The following BTBD17 variants were observed in gnomAD, a reference collection of about 807,000 sequenced individuals.
BTBD17 encodes BTB domain containing 17.
A neutral mutation model predicts 36.9 loss-of-function variants in BTBD17; 26 were observed. That is an observed-to-expected ratio of 0.70 (90% CI 0.52 to 0.98). The LOEUF is 0.98. BTBD17 is among the 50% of genes least tolerant of loss of function. BTBD17 has a pLI of 0.00. For synonymous variants in BTBD17, 341 were observed against 338.0 expected (o/e 1.01, Z -0.10); for missense variants, 630 against 691.3 (o/e 0.91, Z 0.99).
At chr17:74,361,271 G>A (rs901783255) in intron 1 of BTBD17, among the ~76,000 whole-genome samples, 1 of 152,238 alleles carries the variant, frequency 6.6e-6, no homozygotes, top group Non-Finnish European at 1.5e-5. Flanking sequence ...AGGGAGGCGG[G>A]CGGGGGCCTG....
chr17:74,357,386 G>A lies in BTBD17; in HGVS notation c.708C>T (p.Ala236=), dbSNP rs1320551298. The change falls in exon 3 of 3, where the codon GCC becomes GCT. Residue 236 remains alanine (A), a synonymous_variant. Transcript: ENST00000375366. This position sits in a 1 kb window ranked among gnomAD's most constrained non-coding sequence, Gnocchi z 8.4. ...DELELFHALE[A]WLGRARPPPA... ...GGGGCGGCCGCGCGCGACCCAGCCA[G>A]GCCTCCAGCGCGTGGAACAGCTCCA... 1.9e-6 allele frequency: 3 copies of A among 1,567,166 alleles called. No homozygotes were observed. Among genetic ancestry groups the A allele is most frequent in the Non-Finnish European group, 2.6e-6 (3 of 1,165,560 alleles).
chr17:74,358,288 C>T lies in BTBD17; in HGVS notation c.363-557G>A, dbSNP rs545830993. Among the ~76,000 whole-genome samples the T allele has an allele frequency of 2.0e-5, 3 of 152,092 alleles. No individual in the cohort carries two copies. The East Asian group carries it at 5.8e-4, about 30-fold the overall frequency. ...GGAGGATTGCTTGAGGCCAGGAGTT[C>T]AAGACCAGCTTGGGCAACATAGCAA... On this transcript the variant is annotated intron_variant, in intron 2 of 2. Transcript: ENST00000375366.
rs201867347 is a variant in BTBD17 at position 74,357,814 on chromosome 17, C to T, written c.363-83G>A. 28 of 1,133,106 alleles carry T rather than the reference C, an allele frequency of 2.5e-5. No homozygotes were observed. In the Middle Eastern group the frequency reaches 8.9e-4, roughly 36 times the overall value. 70.2% of individuals were successfully genotyped at this position (1,133,106 alleles called of 1,614,324 possible). A position where few individuals can be genotyped will look rare whatever the true frequency, so the allele number is the denominator to read the frequency against. On this transcript the variant is annotated intron_variant, in intron 2 of 2. Transcript: ENST00000375366. This position sits in a 1 kb window ranked among gnomAD's most constrained non-coding sequence, Gnocchi z 8.4. Reference sequence around the variant, plus strand: ...GATTTTTTAGAGTCCACAGGGGACCCGGCCTGGAGTTGGAGCTTCACTGTC... The same window carrying T: ...GATTTTTTAGAGTCCACAGGGGACCTGGCCTGGAGTTGGAGCTTCACTGTC...
chr17:74,360,032 T>C lies in BTBD17; in HGVS notation c.299A>G (p.Asn100Ser), dbSNP rs2054926891. ...CTCCTGCAGCACCGCCTCGCTCTGG[T>C]TACTTAGCAGCTCCAGGAACAGCTC... ...HSELFLELLS[N>S]QSEAVLQEPQ... The change falls in exon 2 of 3, where the codon AAC becomes AGC. Residue 100 changes from asparagine (N) to serine (S), a missense_variant. By Grantham distance (46) the Asn-to-Ser change is conservative (BLOSUM62 1). Coordinates refer to ENST00000375366, the MANE Select transcript of BTBD17 (RefSeq NM_001080466.2). 1.2e-6 allele frequency: 2 copies of C among 1,612,684 alleles called. No homozygotes were observed. The highest frequency in any genetic ancestry group is 1.3e-5 in the African/African-American group (1 of 74,926).
chr17:74,361,949 C>G (rs996766013), upstream of BTBD17: 14 of 681,748 alleles, frequency 2.1e-5, no homozygotes, highest in African/African-American at 2.2e-4. Context: ...CTCCCTCCCC[C>G]ACTCAGCCTC....
intron 2 of BTBD17, among the ~76,000 whole-genome samples, chr17:74,359,366 TG>T (rs1220255939): frequency 1.1e-3 from 159 of 148,632 alleles, no homozygotes; most frequent in African/African-American, 3.8e-3. Flanking sequence ...TTTGTTTGTT[TG>T]GTTGGTTGGT....
chr17:74,357,506 C>T lies in BTBD17; in HGVS notation c.588G>A (p.Leu196=). 6.4e-7 allele frequency: 1 copy of T among 1,565,034 alleles called. No individual in the cohort carries two copies. Among genetic ancestry groups the T allele is most frequent in the Non-Finnish European group, 8.6e-7 (1 of 1,163,460 alleles). Residue 196 remains leucine (L), a synonymous_variant, in exon 3 of 3, where the codon CTG becomes CTA. Coordinates refer to ENST00000375366, the MANE Select transcript of BTBD17 (RefSeq NM_001080466.2). The surrounding 1 kb of genome is among the most constrained non-coding windows in gnomAD (Gnocchi z 8.4). ...ESCLQFLAWN[L]SAVAASTEWG... ...ACTCGGTGCTGGCCGCCACGGCCGACAGGTTCCAGGCCAGGAACTGCAGGC... is the reference window on the plus strand; with the variant it reads ...ACTCGGTGCTGGCCGCCACGGCCGATAGGTTCCAGGCCAGGAACTGCAGGC...
Position 74,357,612 on chromosome 17 carries a change from T to A in BTBD17, c.482A>T (p.His161Leu). 5 of 1,550,054 alleles carry A rather than the reference T, an allele frequency of 3.2e-6. No individual in the cohort carries two copies. In the East Asian group the frequency reaches 1.2e-4, roughly 38 times the overall value. The change falls in exon 3 of 3, where the codon CAC becomes CTC. Residue 161 changes from histidine (H) to leucine (L), a missense_variant. By Grantham distance (99) the His-to-Leu change is moderately conservative. Coordinates refer to ENST00000375366, the MANE Select transcript of BTBD17 (RefSeq NM_001080466.2). The surrounding 1 kb of genome is among the most constrained non-coding windows in gnomAD (Gnocchi z 8.4). ...CGCCGGGCCCGCGCCTCCCGCCAGG[T>A]GCGCGCGCATGTAGTCGGCCACGCC... ...QRGVADYMRA[H>L]LAGGAGPAVG... is the part of the protein sequence containing the mutation.
In BTBD17 at chr17:74,356,566, G is replaced by A. The variant is rs1396340006; in HGVS notation, c.*91C>T. Reference sequence around the variant, plus strand: ...GTGGCCGGCGCCTGGCCATCCAGGGGACCAGGCTTGTTGCCACCTCCAGGC... The same window carrying A: ...GTGGCCGGCGCCTGGCCATCCAGGGAACCAGGCTTGTTGCCACCTCCAGGC... On this transcript the variant is annotated 3_prime_UTR_variant, in exon 3 of 3. Transcript: ENST00000375366. This position sits in a 1 kb window ranked among gnomAD's most constrained non-coding sequence, Gnocchi z 4.3. 7.3e-7 allele frequency: 1 copy of A among 1,360,546 alleles called. No individual in the cohort carries two copies. The highest frequency in any genetic ancestry group is 9.5e-7 in the Non-Finnish European group (1 of 1,053,198). The allele number at this position is 1,360,546 out of a possible 1,614,324, so 84.3% of individuals were successfully genotyped here.
At chr17:74,362,966 A>ATGTGTG (rs1555626867), upstream of BTBD17, among the ~76,000 whole-genome samples, 52 of 149,092 alleles carry the variant, frequency 3.5e-4, no homozygotes, top group Middle Eastern at 3.4e-3. Flanking sequence ...GCGCGCGCGC[A>ATGTGTG]TGTGTGTGTG....
Position 74,356,786 on chromosome 17 carries a change from C to T in BTBD17, c.1308G>A (p.Glu436=). 1.2e-6 allele frequency: 2 copies of T among 1,602,640 alleles called. No individual in the cohort carries two copies. Among genetic ancestry groups the T allele is most frequent in the Non-Finnish European group, 1.7e-6 (2 of 1,175,804 alleles). The part of the protein sequence containing the change: ...RHAYSFHQSS[E]EAGDFLAHAD... ...CGTGCGCCAGGAAGTCGCCGGCCTC[C>T]TCGCTGCTCTGGTGGAAGCTGTAGG... is the stretch of plus-strand genomic sequence containing the variant. Residue 436 remains glutamate, a synonymous_variant, in exon 3 of 3, where the codon GAG becomes GAA. Transcript: ENST00000375366. This position sits in a 1 kb window ranked among gnomAD's most constrained non-coding sequence, Gnocchi z 4.3.
upstream of BTBD17, among the ~76,000 whole-genome samples, chr17:74,363,250 G>T (rs554322473): frequency 6.6e-6 from 1 of 152,140 alleles, no homozygotes; most frequent in African/African-American, 2.4e-5. Context: ...CTCTGGAGCC[G>T]CAGAGAGAGC....
chr17:74,361,913 G>A, upstream of BTBD17: 2 of 1,008,806 alleles, frequency 2.0e-6, no homozygotes, highest in Non-Finnish European at 2.9e-6. Context: ...CGGCACAAGG[G>A]GACGGCACCC....
In BTBD17 at chr17:74,357,535, T is replaced by C. The variant is rs529825749; in HGVS notation, c.559A>G (p.Ser187Gly). 1.3e-6 allele frequency: 2 copies of C among 1,558,012 alleles called. No homozygotes were observed. Among genetic ancestry groups the C allele is most frequent in the South Asian group, 2.3e-5 (2 of 86,112 alleles). ...TTCCAGGCCAGGAACTGCAGGCAGC[T>C]CTCGCGCAGGGCCTCGTCCCCGGTG... ...VGTGDEALRE[S>G]CLQFLAWNLS... The change falls in exon 3 of 3, where the codon AGC becomes GGC. Residue 187 changes from serine to glycine, a missense_variant. Ser to Gly is a moderately conservative substitution (Grantham distance 56). Transcript: ENST00000375366. This position sits in a 1 kb window ranked among gnomAD's most constrained non-coding sequence, Gnocchi z 8.4.
At position 74,360,089 on chromosome 17, in the gene BTBD17, T is replaced by C; in HGVS notation, c.242A>G (p.His81Arg). ...AAGTDEVRVF[H>R]AHRLLLGLHS... ...CAGTCCCAGCAGCAGGCGGTGGGCG[T>C]GGAATACCCGGACCTCATCGGTGCC... Residue 81 changes from histidine (H) to arginine (R), a missense_variant, in exon 2 of 3, where the codon CAC becomes CGC. Transcript: ENST00000375366. 1 of 1,613,166 alleles carries C rather than the reference T, an allele frequency of 6.2e-7. No homozygotes were observed. Among genetic ancestry groups the C allele is most frequent in the Non-Finnish European group, 8.5e-7 (1 of 1,179,986 alleles).
Position 74,357,589 on chromosome 17 carries a change from C to A in BTBD17, c.505G>T (p.Ala169Ser). Residue 169 changes from alanine (A) to serine (S), a missense_variant, in exon 3 of 3, where the codon GCG becomes TCG. Physicochemically the swap from Ala to Ser is moderately conservative, Grantham distance 99. Transcript: ENST00000375366. The surrounding 1 kb of genome is among the most constrained non-coding windows in gnomAD (Gnocchi z 8.4). ...RAHLAGGAGPAVGWYHYAVGT... is the reference protein window; with the variant it reads ...RAHLAGGAGPSVGWYHYAVGT... ...ACCGCGTAGTGGTACCAGCCCACCG[C>A]CGGGCCCGCGCCTCCCGCCAGGTGC... is the stretch of plus-strand genomic sequence containing the variant. 1 of 1,549,356 alleles carries A rather than the reference C, an allele frequency of 6.5e-7. No homozygotes were observed. The highest frequency in any genetic ancestry group is 8.7e-7 in the Non-Finnish European group (1 of 1,153,370).
At chr17:74,363,312 C>T (rs1027530290), upstream of BTBD17, among the ~76,000 whole-genome samples, 17 of 152,120 alleles carry the variant, frequency 1.1e-4, no homozygotes, top group Admixed American at 4.6e-4. Context: ...TTGGAGCTCT[C>T]CAGCCCAGCG....
At chr17:74,362,584 G>A (rs1019980315), upstream of BTBD17, among the ~76,000 whole-genome samples, 9 of 152,306 alleles carry the variant, frequency 5.9e-5, no homozygotes, top group East Asian at 1.9e-4. Context: ...ACCCTGCCCC[G>A]TGCACCACTG....
intron 2 of BTBD17, among the ~76,000 whole-genome samples, chr17:74,358,587 G>C (rs1167279107): frequency 6.8e-6 from 1 of 147,648 alleles, no homozygotes; most frequent in African/African-American, 2.5e-5. Context: ...AAAGTGCTGG[G>C]ATTACAGGTG....
Sources: allele counts gnomAD v4.1 joint callset (sites outside exome capture counted in the v4.1 genomes callset), GRCh38; gene constraint gnomAD v4.1.1; non-coding constraint Gnocchi (gnomAD v3.1); transcripts MANE v1.5; gene names NCBI Gene and HGNC (gene_info 2026-07-23, HGNC 2026-07-21).